C12orf50: variants seen among roughly 807,000 people sequenced by gnomAD.
C12orf50 encodes the protein uncharacterized protein C12orf50.
C12orf50 carries 35 observed loss-of-function variants against 61.6 expected under a neutral mutation model. The observed-to-expected ratio is 0.57, with a 90% CI of 0.43 to 0.75. The LOEUF is 0.75. Among genes scored for constraint, C12orf50 ranks in the 30% least tolerant of loss-of-function variants. The pLI is 0.00. For missense variants in C12orf50, 475 were observed against 488.5 expected (o/e 0.97, Z 0.26); for synonymous variants, 178 against 161.5 (o/e 1.10, Z -0.77).
At chr12:87,991,110 A>T (rs992327185) in intron 7 of C12orf50, among the ~76,000 whole-genome samples, 3 of 152,182 alleles carry the variant, frequency 2.0e-5, no homozygotes, top group Non-Finnish European at 4.4e-5. Flanking sequence ...CAAAGAAAGG[A>T]AAAATAATGT....
chr12:87,984,870 G>C (rs927334099), intron 11 of C12orf50: 2 of 151,870 alleles, frequency 1.3e-5, no homozygotes, highest in Non-Finnish European at 2.9e-5. Context: ...GCAGTAAAAT[G>C]ATAATAACAA....
intron 3 of C12orf50, among the ~76,000 whole-genome samples, chr12:88,025,445 T>C (rs561837172): frequency 6.6e-6 from 1 of 152,114 alleles, no homozygotes; most frequent in East Asian, 1.9e-4. Flanking sequence ...GAAGGAGGTA[T>C]AAAAAGCAGT....
At position 87,992,266 on chromosome 12, in the gene C12orf50, A is replaced by G. The variant is rs562587815; in HGVS notation, c.592+2367T>C. The stretch of plus-strand genomic sequence containing the variant: ...ATTATAATCTGTGTGAGATGTAGGT[A>G]TATGTGTGTGTGTACATAGTTCCCC... On this transcript the variant is annotated intron_variant, in intron 7 of 12. Transcript: ENST00000298699. Among the ~76,000 whole-genome samples, 8 of 152,290 alleles carry G rather than the reference A, an allele frequency of 5.3e-5. No homozygotes were observed. In the South Asian group the frequency reaches 1.7e-3, roughly 32 times the overall value.
chr12:88,005,917 T>TG (rs1565752342), intron 3 of C12orf50, among the ~76,000 whole-genome samples: 2 of 140,178 alleles, frequency 1.4e-5, no homozygotes, highest in African/African-American at 5.4e-5. Flanking sequence ...TTTTGGTTTT[T>TG]TTTTTTTTTT....
chr12:88,028,092 G>C (rs771039266), intron 1 of C12orf50: 2 of 152,152 alleles, frequency 1.3e-5, no homozygotes, highest in African/African-American at 2.4e-5. Flanking sequence ...CAGGTTAGCT[G>C]TAAAAATGAT....
intron 2 of C12orf50, 101 bp from the exon 3 acceptor site, chr12:88,026,709 G>A (rs962040881): frequency 2.1e-6 from 3 of 1,452,226 alleles, no homozygotes; most frequent in African/African-American, 1.4e-5. Context: ...AACAATTATA[G>A]TTAACTGATT....
At chr12:88,013,689 T>C (rs2032198598) in intron 3 of C12orf50, among the ~76,000 whole-genome samples, 1 of 152,226 alleles carries the variant, frequency 6.6e-6, no homozygotes, top group Admixed American at 6.5e-5. Context: ...TGTTAATTGG[T>C]GAAGATAGGT....
At chr12:87,989,707 T>C (rs1018959159) in intron 7 of C12orf50, among the ~76,000 whole-genome samples, 47 of 152,278 alleles carry the variant, frequency 3.1e-4, no homozygotes, top group African/African-American at 1.1e-3. Context: ...CATCTTCAGA[T>C]ATATTAAAGC....
chr12:88,008,518 T>C (rs1431400372), intron 3 of C12orf50, among the ~76,000 whole-genome samples: 1 of 152,154 alleles, frequency 6.6e-6, no homozygotes, highest in East Asian at 1.9e-4. Context: ...TTGTGAATAG[T>C]CCTAAGTGGC....
chr12:88,004,457 A>G (rs1376175558), intron 3 of C12orf50, among the ~76,000 whole-genome samples: 1 of 152,214 alleles, frequency 6.6e-6, no homozygotes, highest in African/African-American at 2.4e-5. Context: ...TGGGAATGTA[A>G]AATTAGTTCA....
rs373348228 is a variant in C12orf50 at position 87,986,408 on chromosome 12, C to T, written c.826G>A (p.Val276Ile). 12 of 1,600,132 alleles carry T rather than the reference C, an allele frequency of 7.5e-6. No homozygotes were observed. The highest frequency in any genetic ancestry group is 1.3e-5 in the African/African-American group (1 of 74,090). Residue 276 changes from valine (V) to isoleucine (I), a missense_variant, in exon 10 of 13, where the codon GTC becomes ATC. Transcript: ENST00000298699. ...AAATGAGGCTTCTTCACTGGCTGGA[C>T]ATCATTCACTTAGAAAAGATACAAA... ...CREDPSSMND[V>I]QPVKKPHFKG...
At chr12:87,990,265 A>G (rs574253805) in intron 7 of C12orf50, among the ~76,000 whole-genome samples, 1 of 152,316 alleles carries the variant, frequency 6.6e-6, no homozygotes, top group Admixed American at 6.5e-5. Context: ...TGTAAATTTT[A>G]TAAACATGTC....
At chr12:88,011,576 A>G (rs535457030) in intron 3 of C12orf50, among the ~76,000 whole-genome samples, 4 of 152,352 alleles carry the variant, frequency 2.6e-5, no homozygotes, top group Admixed American at 2.6e-4. Context: ...TCTACCATAC[A>G]GATGAAGAAA....
chr12:88,018,498 G>A (rs1245703975), intron 3 of C12orf50, among the ~76,000 whole-genome samples: 1 of 152,250 alleles, frequency 6.6e-6, no homozygotes. Context: ...TGGGGCCAGA[G>A]CTGCTACACA....
intron 7 of C12orf50, among the ~76,000 whole-genome samples, chr12:87,989,771 G>A (rs1300434185): frequency 6.6e-6 from 1 of 151,974 alleles, no homozygotes; most frequent in Admixed American, 6.6e-5. Context: ...ATCCATAGTT[G>A]CTTTAAATGT....
At chr12:87,992,725 G>C (rs2031184545) in intron 7 of C12orf50, among the ~76,000 whole-genome samples, 1 of 152,092 alleles carries the variant, frequency 6.6e-6, no homozygotes, top group African/African-American at 2.4e-5. Context: ...GAGAGAAAGA[G>C]CCATCTGGAG....
intron 7 of C12orf50, 98 bp from the exon 8 acceptor site, chr12:87,989,469 C>A (rs185822892): frequency 2.2e-5 from 17 of 779,474 alleles, no homozygotes; most frequent in Non-Finnish European, 3.6e-5. Context: ...CTTTTGTTCA[C>A]CTTTCTTTGG....
intron 8 of C12orf50, 27 bp downstream of exon 8, chr12:87,989,237 G>C (rs1407357449): frequency 6.7e-7 from 1 of 1,494,054 alleles, no homozygotes; most frequent in East Asian, 2.4e-5. Context: ...AATTACAAAT[G>C]AATCAAAATT....
At position 88,026,936 on chromosome 12, in the gene C12orf50, G is replaced by T. The variant is rs373851194; in HGVS notation, c.12+15C>A. ...AATACTTTTTGACAAAAATGATGAC[G>T]CCAAGTAATTCTACCTGCATTTCCA... On this transcript the variant is annotated intron_variant, in intron 2 of 12. Coordinates refer to ENST00000298699, the MANE Select transcript of C12orf50 (RefSeq NM_152589.3). The T allele has an allele frequency of 1.5e-5, 24 of 1,603,778 alleles. No individual in the cohort carries two copies. Among genetic ancestry groups the T allele is most frequent in the Non-Finnish European group, 2.0e-5 (23 of 1,177,334 alleles).
Sources: allele counts gnomAD v4.1 joint callset (sites outside exome capture counted in the v4.1 genomes callset), GRCh38; gene constraint gnomAD v4.1.1; transcripts MANE v1.5; gene names NCBI Gene and HGNC (gene_info 2026-07-23, HGNC 2026-07-21).